NECTIN2: variants seen among roughly 807,000 people sequenced by gnomAD.
The protein encoded by NECTIN2 is nectin-2.
NECTIN2 carries 23 observed loss-of-function variants against 56.9 expected under a neutral mutation model. That is an observed-to-expected ratio of 0.40 (90% CI 0.29 to 0.57). NECTIN2 has a LOEUF of 0.57. Ranked by LOEUF, NECTIN2 falls within the 20% of genes least tolerant of loss-of-function variation. NECTIN2 has a pLI of 0.38. For synonymous variants in NECTIN2, 302 were observed against 313.8 expected (o/e 0.96, Z 0.40); for missense variants, 587 against 718.3 (o/e 0.82, Z 2.09).
In NECTIN2 at chr19:44,865,288, G is replaced by A. The variant is rs1303909613; in HGVS notation, c.106G>A (p.Val36Ile). The A allele has an allele frequency of 1.9e-6, 3 of 1,612,530 alleles. No homozygotes were observed. The highest frequency in any genetic ancestry group is 2.5e-6 in the Non-Finnish European group (3 of 1,179,030). Reference protein sequence around the residue: ...LLETGAQDVRVQVLPEVRGQL... With the variant: ...LLETGAQDVRIQVLPEVRGQL... The stretch of plus-strand genomic sequence containing the variant: ...CTGCCCAGGAGCCCAGGATGTGCGA[G>A]TTCAAGTGCTACCCGAGGTGCGAGG... Residue 36 changes from valine to isoleucine, a missense_variant, in exon 2 of 9, where the codon GTT (valine) becomes ATT (isoleucine). Coordinates refer to ENST00000252483, the MANE Select transcript of NECTIN2 (RefSeq NM_001042724.2). The surrounding 1 kb of genome is among the most constrained non-coding windows in gnomAD (Gnocchi z 5.2).
intron 1 of NECTIN2, among the ~76,000 whole-genome samples, chr19:44,854,765 A>G (rs535482599): frequency 6.6e-6 from 1 of 151,908 alleles, no homozygotes; most frequent in Non-Finnish European, 1.5e-5. Context: ...GTGAGCCCAG[A>G]TTGCGCCACT....
rs575002004 is a variant in NECTIN2 at position 44,857,740 on chromosome 19, A to T, written c.89-7531A>T. ...TTTTTTTTTTAAGAGATGAAGTCTC[A>T]CTATATTGTCCAGGCTGGTCTCAAA... On this transcript the variant is annotated intron_variant, in intron 1 of 8. Transcript: ENST00000252483. Among the ~76,000 whole-genome samples the T allele has an allele frequency of 2.5e-3, 345 of 136,740 alleles. 1 individual carries two copies. Among genetic ancestry groups the T allele is most frequent in the African/African-American group, 9.4e-3 (335 of 35,722 alleles). The allele number at this position is 136,740 out of a possible 152,430, so 89.7% of individuals were successfully genotyped here.
rs759446364 is a variant in NECTIN2, at chr19:44,865,300, C to T, written c.118C>T (p.Pro40Ser). The change falls in exon 2 of 9, where the codon CCC becomes TCC. Residue 40 changes from proline (P) to serine (S), a missense_variant. Physicochemically the swap from Pro to Ser is moderately conservative, Grantham distance 74. Transcript: ENST00000252483. This position sits in a 1 kb window ranked among gnomAD's most constrained non-coding sequence, Gnocchi z 5.2. ...CCAGGATGTGCGAGTTCAAGTGCTA[C>T]CCGAGGTGCGAGGCCAGCTCGGGGG... ...GAQDVRVQVLPEVRGQLGGTV... is the reference protein window; with the variant it reads ...GAQDVRVQVLSEVRGQLGGTV... 6.2e-7 allele frequency: 1 copy of T among 1,613,340 alleles called. No homozygotes were observed. Among genetic ancestry groups the T allele is most frequent in the Non-Finnish European group, 8.5e-7 (1 of 1,179,676 alleles).
At position 44,886,156 on chromosome 19, in the gene NECTIN2, G is replaced by A. The variant is rs753488233; in HGVS notation, c.1284G>A (p.Gly428=). The change falls in exon 8 of 9, where the codon GGG becomes GGA. Residue 428 remains glycine (G), a synonymous_variant. Transcript: ENST00000252483. ...QEMPSQLFTL[G]ASEHSPLKTP... ...AGCCCTCCCAGCTCTTCACTCTGGG[G>A]GCCTCGGAGCACAGCCCACTCAAGA... 1.9e-6 allele frequency: 3 copies of A among 1,613,218 alleles called. No homozygotes were observed. In the South Asian group the frequency reaches 3.3e-5, roughly 18 times the overall value.
At chr19:44,856,278 T>C (rs747725168) in intron 1 of NECTIN2, among the ~76,000 whole-genome samples, 9 of 152,234 alleles carry the variant, frequency 5.9e-5, no homozygotes, top group Non-Finnish European at 1.0e-4. Flanking sequence ...GCCTGGGTGA[T>C]ACAGCGAGAA....
At chr19:44,882,657 G>C (rs1398788890) in intron 6 of NECTIN2, among the ~76,000 whole-genome samples, 1 of 130,264 alleles carries the variant, frequency 7.7e-6, no homozygotes, top group African/African-American at 3.0e-5. Flanking sequence ...TTTGAGCCCA[G>C]TCTGGGTAAC....
intron 1 of NECTIN2, among the ~76,000 whole-genome samples, chr19:44,856,740 AG>A (rs1407961866): frequency 1.3e-5 from 2 of 152,030 alleles, no homozygotes; most frequent in African/African-American, 4.8e-5. Context: ...GCCTTGTGGG[AG>A]GGGGGTGATG....
chr19:44,874,874 C>T lies in NECTIN2; in HGVS notation c.1042+396C>T, dbSNP rs966983334. On this transcript the variant is annotated intron_variant, in intron 5 of 8. Coordinates refer to ENST00000252483, the MANE Select transcript of NECTIN2 (RefSeq NM_001042724.2). This position sits in a 1 kb window ranked among gnomAD's most constrained non-coding sequence, Gnocchi z 6.3. ...AGCTCCCACCCCCAGAAACACAATC[C>T]GGCCCCAAGGCACGGAGCCAAAGAG... Among the ~76,000 whole-genome samples, 7 of 152,070 alleles carry T rather than the reference C, an allele frequency of 4.6e-5. No individual in the cohort carries two copies. Among genetic ancestry groups the T allele is most frequent in the Non-Finnish European group, 5.9e-5 (4 of 68,006 alleles).
intron 5 of NECTIN2, chr19:44,878,951 T>C (rs1365422663): frequency 9.1e-7 from 1 of 1,104,510 alleles, no homozygotes; most frequent in Non-Finnish European, 1.1e-6. Flanking sequence ...AGGGGTGTCT[T>C]GTAATACATC....
At chr19:44,871,114 C>T (rs934938460) in intron 2 of NECTIN2, among the ~76,000 whole-genome samples, 6 of 152,220 alleles carry the variant, frequency 3.9e-5, no homozygotes, top group African/African-American at 1.4e-4. Flanking sequence ...GATCCACCCT[C>T]CTCAGCCTCC....
At position 44,872,043 on chromosome 19, in the gene NECTIN2, C is replaced by G. The variant is rs891898012; in HGVS notation, c.669C>G (p.Phe223Leu). Residue 223 changes from phenylalanine (F) to leucine (L), a missense_variant, in exon 3 of 9, where the codon TTC becomes TTG. Transcript: ENST00000252483. ...LAGTVTVTSR[F>L]TLVPSGRADG... The stretch of plus-strand genomic sequence containing the variant: ...GAACTGTCACTGTCACCAGCCGCTT[C>G]ACCTTGGTGCCCTCGGGCCGAGCAG... 1.9e-6 allele frequency: 3 copies of G among 1,614,208 alleles called. No homozygotes were observed. The East Asian group carries it at 6.7e-5, about 36-fold the overall frequency.
At chr19:44,848,114 G>C (rs573755532) in intron 1 of NECTIN2, among the ~76,000 whole-genome samples, 18 of 152,268 alleles carry the variant, frequency 1.2e-4, no homozygotes, top group Non-Finnish European at 2.4e-4. Context: ...ATTTCCCCCA[G>C]GATGGCTCTC....
At chr19:44,877,958 C>T (rs1969258481) in intron 5 of NECTIN2, among the ~76,000 whole-genome samples, 1 of 152,072 alleles carries the variant, frequency 6.6e-6, no homozygotes, top group Admixed American at 6.6e-5. Context: ...AACACTAACA[C>T]CTGGGGACCA....
chr19:44,865,188 G>C lies in NECTIN2; in HGVS notation c.89-83G>C. On this transcript the variant is annotated intron_variant, in intron 1 of 8. Transcript: ENST00000252483. This position sits in a 1 kb window ranked among gnomAD's most constrained non-coding sequence, Gnocchi z 5.2. ...CATGCGGAGCCTGCATTTCCCGTGG[G>C]GCCCCCTTCGTGGTGGCCCTGCCTG... 7.0e-7 allele frequency: 1 copy of C among 1,427,910 alleles called. No individual in the cohort carries two copies. Among genetic ancestry groups the C allele is most frequent in the Middle Eastern group, 2.6e-4 (1 of 3,832 alleles). 88.5% of individuals were successfully genotyped at this position (1,427,910 alleles called of 1,614,324 possible).
intron 5 of NECTIN2, among the ~76,000 whole-genome samples, chr19:44,879,758 G>A (rs896615745): frequency 1.3e-5 from 2 of 152,086 alleles, no homozygotes; most frequent in African/African-American, 4.8e-5. Flanking sequence ...TGTTTCCATC[G>A]GCCTCACAAG....
chr19:44,878,120 C>T (rs1385375407), intron 5 of NECTIN2: 10 of 604,998 alleles, frequency 1.7e-5, no homozygotes, highest in East Asian at 5.5e-5. Flanking sequence ...CCTCCATCCC[C>T]GCCTATCCTG....
intron 3 of NECTIN2, 41 bp from the exon 4 acceptor site, chr19:44,873,875 G>A: frequency 6.7e-7 from 1 of 1,482,390 alleles, no homozygotes; most frequent in Non-Finnish European, 9.4e-7. Context: ...CCCGCTCTGG[G>A]ATTCTCCTCC....
intron 1 of NECTIN2, among the ~76,000 whole-genome samples, chr19:44,862,386 G>A (rs1217482882): frequency 7.9e-5 from 12 of 151,094 alleles, no homozygotes; most frequent in Admixed American, 7.3e-4. Flanking sequence ...CTGCACTCAG[G>A]CCTGGGCAAA....
chr19:44,873,563 G>A (rs1244609091), intron 3 of NECTIN2, among the ~76,000 whole-genome samples: 5 of 152,048 alleles, frequency 3.3e-5, no homozygotes, highest in South Asian at 2.1e-4. Context: ...AGCCCAGGAC[G>A]TGGAGTTTGC....
Sources: gnomAD v4.1 joint callset for allele counts (sites outside exome capture counted in the v4.1 genomes callset) on GRCh38, gnomAD v4.1.1 for gene constraint, Gnocchi (gnomAD v3.1) non-coding constraint, MANE v1.5 for transcripts, NCBI Gene and HGNC (gene_info 2026-07-23, HGNC 2026-07-21) for gene names.